HIVEP2: variants seen among roughly 807,000 people sequenced by gnomAD.
HIVEP2 encodes HIVEP zinc finger 2.
A neutral mutation model predicts 180.7 loss-of-function variants in HIVEP2; 14 were observed. The ratio of observed to expected loss-of-function variants is 0.08; its 90% confidence interval spans 0.05 to 0.12. HIVEP2 has a LOEUF of 0.12. Ranked by LOEUF, HIVEP2 falls within the 10% of genes least tolerant of loss-of-function variation. HIVEP2 has a pLI of 1.00. For synonymous variants in HIVEP2, 1,184 were observed against 1,136.4 expected (o/e 1.04, Z -0.84); for missense variants, 2,579 against 3,008.5 (o/e 0.86, Z 3.34).
chr6:142,820,959 A>AT (rs113964006), intron 2 of HIVEP2, among the ~76,000 whole-genome samples: 1,631 of 149,976 alleles, frequency 0.011, 25 homozygotes, highest in African/African-American at 0.036. Context: ...ACTAACAAAC[A>AT]TTTTTTTTTT....
intron 2 of HIVEP2, among the ~76,000 whole-genome samples, chr6:142,796,948 A>T (rs971884581): frequency 6.6e-6 from 1 of 152,188 alleles, no homozygotes; most frequent in East Asian, 1.9e-4. Flanking sequence ...TACAACAGTT[A>T]GTTTTATGCA....
At chr6:142,928,950 T>C (rs1349020429) in intron 1 of HIVEP2, among the ~76,000 whole-genome samples, 1 of 152,224 alleles carries the variant, frequency 6.6e-6, no homozygotes, top group Non-Finnish European at 1.5e-5. Context: ...TCCCAAACTG[T>C]ATCAAATGAT....
chr6:142,816,985 C>T (rs1232087347), intron 2 of HIVEP2, among the ~76,000 whole-genome samples: 7 of 151,956 alleles, frequency 4.6e-5, no homozygotes, highest in Admixed American at 4.6e-4. Flanking sequence ...TCCTTGAGGA[C>T]AGGACACACT....
At chr6:142,827,888 C>A (rs1218657512) in intron 2 of HIVEP2, among the ~76,000 whole-genome samples, 1 of 152,164 alleles carries the variant, frequency 6.6e-6, no homozygotes, top group Non-Finnish European at 1.5e-5. Context: ...ATAAACTTTG[C>A]CCATTAAGGA....
chr6:142,826,636 T>A (rs1488081035), intron 2 of HIVEP2, among the ~76,000 whole-genome samples: 5 of 152,184 alleles, frequency 3.3e-5, no homozygotes, highest in Admixed American at 3.3e-4. Context: ...TGCATGGCAA[T>A]TTTTTCAGAA....
chr6:142,813,076 T>C (rs866770938), intron 2 of HIVEP2, among the ~76,000 whole-genome samples: 26 of 152,308 alleles, frequency 1.7e-4, no homozygotes, highest in Non-Finnish European at 2.5e-4. Flanking sequence ...TGTTTATTTT[T>C]GTTAATAAAA....
rs117307353 is a variant in HIVEP2, at chr6:142,872,857, G to T, written c.-640-35810C>A. 7.6e-4 allele frequency among the ~76,000 whole-genome samples: 115 copies of T among 152,246 alleles called. No homozygotes were observed. The East Asian group carries it at 0.021, about 28-fold the overall frequency. ...TTTACAATTCATAAATTTCCCACTG[G>T]ATGCTTTTCAGTGTATTATCCCAAT... On this transcript the variant is annotated intron_variant, in intron 1 of 9. Transcript: ENST00000367603.
chr6:142,794,634 T>A (rs1404804334), intron 2 of HIVEP2, among the ~76,000 whole-genome samples: 1 of 152,198 alleles, frequency 6.6e-6, no homozygotes, highest in Non-Finnish European at 1.5e-5. Context: ...ATGGTCAAAT[T>A]TCCAGCTACT....
In HIVEP2 at chr6:142,771,160, T is replaced by C; in HGVS notation, c.3579A>G (p.Gln1193=). The C allele has an allele frequency of 6.2e-7, 1 of 1,614,224 alleles. No homozygotes were observed. The highest frequency in any genetic ancestry group is 2.2e-5 in the East Asian group (1 of 44,882). ...GGATTGGAGAAAATGGAATTGTCTC[T>C]TGATGTGGAAATAAGTGTGGCTGTT... ...LPEQPHLFPH[Q]ETIPFSPIQN... Residue 1193 remains glutamine, a synonymous_variant, in exon 5 of 10, where the codon CAA becomes CAG. Transcript: ENST00000367603. This position sits in a 1 kb window ranked among gnomAD's most constrained non-coding sequence, Gnocchi z 5.4.
At position 142,768,383 on chromosome 6, in the gene HIVEP2, C is replaced by T; in HGVS notation, c.5341G>A (p.Gly1781Arg). The change falls in exon 6 of 10, where the codon GGG (glycine) becomes AGG (arginine). Residue 1781 changes from glycine (G) to arginine (R), a missense_variant and splice_region_variant. This residue lies in a region of HIVEP2 where 349 missense variants were observed against 367.2 expected (regional missense o/e 0.95). Coordinates refer to ENST00000367603, the MANE Select transcript of HIVEP2 (RefSeq NM_006734.4). ...EPIRIKIFEG[G>R]YKSNEDYVYV... ...TACATTTGCACTTTGTTTCCTTACCCTCCTTCAAATATTTTAATTCGGATT... is the reference window on the plus strand; with the variant it reads ...TACATTTGCACTTTGTTTCCTTACCTTCCTTCAAATATTTTAATTCGGATT... 1 of 1,609,342 alleles carries T rather than the reference C, an allele frequency of 6.2e-7. No individual in the cohort carries two copies. The highest frequency in any genetic ancestry group is 1.3e-5 in the African/African-American group (1 of 74,568).
chr6:142,784,831 G>T (rs1361514824), intron 2 of HIVEP2, among the ~76,000 whole-genome samples: 1 of 152,164 alleles, frequency 6.6e-6, no homozygotes, highest in Non-Finnish European at 1.5e-5. Context: ...AGAAGGAATA[G>T]AGATGATATC....
At chr6:142,941,509 C>A (rs556404251) in intron 1 of HIVEP2, among the ~76,000 whole-genome samples, 19 of 152,230 alleles carry the variant, frequency 1.2e-4, no homozygotes, top group African/African-American at 4.6e-4. Flanking sequence ...TAAAGTTTTC[C>A]TATTTCCCTT....
chr6:142,875,875 A>T (rs907760585), intron 1 of HIVEP2, among the ~76,000 whole-genome samples: 2 of 151,162 alleles, frequency 1.3e-5, no homozygotes, highest in Non-Finnish European at 2.9e-5. Flanking sequence ...TACAAGTTGA[A>T]AATTCATGAT....
intron 1 of HIVEP2, among the ~76,000 whole-genome samples, chr6:142,868,374 A>C (rs1776197465): frequency 6.6e-6 from 1 of 152,230 alleles, no homozygotes; most frequent in African/African-American, 2.4e-5. Flanking sequence ...ATCATGAGCA[A>C]AACACATTTT....
At chr6:142,884,522 GTGTCGTTTCATTCACACCTAGAATGA>G (rs1776650600) in intron 1 of HIVEP2, among the ~76,000 whole-genome samples, 1 of 152,086 alleles carries the variant, frequency 6.6e-6, no homozygotes, top group South Asian at 2.1e-4. Flanking sequence ...CGACAAACCA[GTGTCGTTTCATTCACACCTAGAATGA>G]TGTCGTTTCA....
chr6:142,809,581 CTGTTTGTT>C (rs3057566), intron 2 of HIVEP2, among the ~76,000 whole-genome samples: 4 of 150,518 alleles, frequency 2.7e-5, no homozygotes, highest in South Asian at 4.2e-4. Flanking sequence ...TCTGGGTTTT[CTGTTTGTT>C]TGTTTGTTTG....
intron 2 of HIVEP2, among the ~76,000 whole-genome samples, chr6:142,796,573 A>G (rs920078240): frequency 2.6e-5 from 4 of 152,164 alleles, no homozygotes; most frequent in Non-Finnish European, 4.4e-5. Context: ...AGGATGAATT[A>G]TCTGCCTGAA....
intron 1 of HIVEP2, among the ~76,000 whole-genome samples, chr6:142,886,595 C>T (rs1334546179): frequency 6.6e-6 from 1 of 152,230 alleles, no homozygotes; most frequent in Non-Finnish European, 1.5e-5. Context: ...AACTTGAACA[C>T]TTCCGACTTG....
chr6:142,925,727 A>T (rs1174868431), intron 1 of HIVEP2, among the ~76,000 whole-genome samples: 2 of 152,252 alleles, frequency 1.3e-5, no homozygotes, highest in African/African-American at 4.8e-5. Flanking sequence ...AGCATACATA[A>T]GTCAGCGGTT....
Sources: allele counts gnomAD v4.1 joint callset (sites outside exome capture counted in the v4.1 genomes callset), GRCh38; gene constraint gnomAD v4.1.1; regional missense constraint gnomAD v4.1.1; non-coding constraint Gnocchi (gnomAD v3.1); transcripts MANE v1.5; gene names NCBI Gene and HGNC (gene_info 2026-07-23, HGNC 2026-07-21).